Variants in PCDHA5 observed in about 807,000 individuals in gnomAD.
PCDHA5 encodes protocadherin alpha-5.
In PCDHA5, 43 loss-of-function variants were observed where a neutral mutation model predicts 61.6. The ratio of observed to expected loss-of-function variants is 0.70; its 90% CI spans 0.55 to 0.90. The LOEUF (loss-of-function observed/expected upper bound fraction) is 0.90, where lower values mean the gene tolerates loss of function less well. Ranked by LOEUF, PCDHA5 falls within the 40% of genes least tolerant of loss-of-function variation. The pLI, the probability that PCDHA5 is intolerant of heterozygous loss-of-function variation, is 0.00. For missense variants in PCDHA5, 1,298 were observed against 1,222.7 expected, an observed-to-expected ratio of 1.06 and a Z score of -0.92; for synonymous variants, 627 against 543.9, an observed-to-expected ratio of 1.15 and a Z score of -2.13.
At chr5:140,878,174 T>C (rs1554170323) in intron 1 of PCDHA5, 2 of 167,818 alleles carry the variant, frequency 1.2e-5, no homozygotes, top group African/African-American at 2.4e-5. Flanking sequence ...TGTTCATAAT[T>C]TCAAGATTAC....
intron 1 of PCDHA5, among the ~76,000 whole-genome samples, chr5:140,855,336 A>AT (rs1438851451): frequency 6.7e-6 from 1 of 149,788 alleles, no homozygotes; most frequent in Non-Finnish European, 1.5e-5. Context: ...AGGTTAAACG[A>AT]TTTTCCCAAG....
At chr5:141,001,522 C>G (rs1554258201) in intron 3 of PCDHA5, among the ~76,000 whole-genome samples, 1 of 152,214 alleles carries the variant, frequency 6.6e-6, no homozygotes, top group African/African-American at 2.4e-5. Context: ...TTCTCCCTCT[C>G]TCTCTGATCC....
At chr5:140,927,269 C>T in intron 1 of PCDHA5, 1 of 1,614,142 alleles carries the variant, frequency 6.2e-7, no homozygotes, top group Non-Finnish European at 8.5e-7. Context: ...CTCTTTCCTG[C>T]CGGCGACGTG....
rs2150125700 is a variant in PCDHA5 at position 140,823,421 on chromosome 5, C to A, written c.1646C>A (p.Thr549Lys). The A allele has an allele frequency of 1.2e-6, 2 of 1,613,278 alleles. No homozygotes were observed. Among genetic ancestry groups the A allele is most frequent in the South Asian group, 1.1e-5 (1 of 91,054 alleles). Residue 549 changes from threonine to lysine, a missense_variant, in exon 1 of 4, where the codon ACG (threonine) becomes AAG (lysine). Coordinates refer to ENST00000529859, the MANE Select transcript of PCDHA5 (RefSeq NM_018908.3). ...GTGCCGCCTCTGGGCAGCAACGTGA[C>A]GCTGCAGGTGTTCGTGCTGGACGAG... ...AGVPPLGSNV[T>K]LQVFVLDEND...
At chr5:140,836,196 G>A (rs1480850746) in intron 1 of PCDHA5, 3 of 1,613,832 alleles carry the variant, frequency 1.9e-6, no homozygotes, top group Admixed American at 1.7e-5. Flanking sequence ...AGGCTACAAC[G>A]CGTGGCTTTC....
rs116202025 is a variant in PCDHA5, at chr5:140,975,505, A to G, written c.2353-3444A>G. ...ATATCAATGTTCATAAAATAGCACTATGCAAAATCTGCAGTGGATATATTC... is the reference window on the plus strand; with the variant it reads ...ATATCAATGTTCATAAAATAGCACTGTGCAAAATCTGCAGTGGATATATTC... On this transcript the variant is annotated intron_variant, in intron 1 of 3. Transcript: ENST00000529859. Among the ~76,000 whole-genome samples, 512 of 152,350 alleles carry G rather than the reference A, an allele frequency of 3.4e-3. 3 individuals are homozygous for G. Among genetic ancestry groups the G allele is most frequent in the Middle Eastern group, 6.8e-3 (2 of 294 alleles).
chr5:140,890,732 TTA>T (rs2062774217), intron 1 of PCDHA5, among the ~76,000 whole-genome samples: 1 of 152,238 alleles, frequency 6.6e-6, no homozygotes, highest in Admixed American at 6.5e-5. Context: ...CCCTTTTGAC[TTA>T]TATACTATTT....
intron 1 of PCDHA5, among the ~76,000 whole-genome samples, chr5:140,833,892 C>A (rs1772707786): frequency 1.3e-5 from 2 of 152,052 alleles, no homozygotes; most frequent in Non-Finnish European, 2.9e-5. Context: ...GGATCTAGAT[C>A]AAAGGAATTT....
chr5:140,842,623 G>C, intron 1 of PCDHA5: 1 of 1,579,148 alleles, frequency 6.3e-7, no homozygotes, highest in Non-Finnish European at 8.6e-7. Context: ...GCTCGCCTTC[G>C]CTGTGGGCCA....
At chr5:140,862,919 T>C (rs782169280) in intron 1 of PCDHA5, 73 of 546,740 alleles carry the variant, frequency 1.3e-4, no homozygotes, top group Non-Finnish European at 2.4e-4. Flanking sequence ...GCGCCTTGGG[T>C]GGGCTGGCGG....
intron 1 of PCDHA5, chr5:140,830,513 A>C: frequency 7.2e-7 from 1 of 1,380,444 alleles, no homozygotes; most frequent in Non-Finnish European, 9.6e-7. Context: ...ATTAACAGTT[A>C]ATTTTTATTT....
intron 1 of PCDHA5, chr5:140,849,828 G>A (rs2150452288): frequency 2.5e-6 from 4 of 1,598,564 alleles, no homozygotes; most frequent in East Asian, 2.2e-5. Flanking sequence ...GTCTGTGGAG[G>A]TGGCCGACGT....
At chr5:140,882,228 T>G in intron 1 of PCDHA5, 1 of 1,564,682 alleles carries the variant, frequency 6.4e-7, no homozygotes, top group Non-Finnish European at 8.7e-7. Context: ...GGTAAGGCGT[T>G]GTATATATTG....
At chr5:140,835,852 T>C (rs1554135337) in intron 1 of PCDHA5, 1 of 1,612,246 alleles carries the variant, frequency 6.2e-7, no homozygotes, top group Non-Finnish European at 8.5e-7. Context: ...AACGCGCTGG[T>C]GTCCTACTCG....
intron 1 of PCDHA5, chr5:140,882,615 T>A (rs1554174850): frequency 6.2e-7 from 1 of 1,614,020 alleles, no homozygotes; most frequent in South Asian, 1.1e-5. Flanking sequence ...CCTCTGCAGG[T>A]TTTCCATGTG....
In PCDHA5 at chr5:140,869,551, T is replaced by A. The variant is rs570153514; in HGVS notation, c.2352+45424T>A. On this transcript the variant is annotated intron_variant, in intron 1 of 3. Coordinates refer to ENST00000529859, the MANE Select transcript of PCDHA5 (RefSeq NM_018908.3). ...GATTGCGGAATCTAAGCAATCGGAC[T>A]CGCGTTTTCCACTAGAGGGAGCTTC... 3.1e-6 allele frequency: 5 copies of A among 1,614,218 alleles called. No individual in the cohort carries two copies. The East Asian group carries it at 6.7e-5, about 22-fold the overall frequency.
chr5:140,920,456 T>C (rs2079640226), intron 1 of PCDHA5, among the ~76,000 whole-genome samples: 1 of 152,192 alleles, frequency 6.6e-6, no homozygotes, highest in African/African-American at 2.4e-5. Flanking sequence ...AATTGACAAA[T>C]TTGTTATATT....
chr5:140,987,797 T>A (rs967250070), intron 3 of PCDHA5, among the ~76,000 whole-genome samples: 23 of 152,308 alleles, frequency 1.5e-4, no homozygotes, highest in African/African-American at 4.3e-4. Flanking sequence ...AAGATTTTTT[T>A]AAAGTGCCTG....
chr5:140,849,915 A>G (rs1554143492), intron 1 of PCDHA5: 3 of 1,598,260 alleles, frequency 1.9e-6, no homozygotes, highest in Non-Finnish European at 2.6e-6. Flanking sequence ...GGGCTGCCAC[A>G]TCTTCACGGT....
Sources: gnomAD v4.1 joint callset for allele counts (sites outside exome capture counted in the v4.1 genomes callset) on GRCh38, gnomAD v4.1.1 for gene constraint, MANE v1.5 for transcripts, NCBI Gene and HGNC (gene_info 2026-07-23, HGNC 2026-07-21) for gene names.